KCNIP4: variants seen among roughly 807,000 people sequenced by gnomAD.
KCNIP4 encodes the protein Kv channel-interacting protein 4.
In KCNIP4, 12 loss-of-function variants were observed where a neutral mutation model predicts 34.0. The observed-to-expected ratio is 0.35, with a 90% CI of 0.23 to 0.57. The LOEUF (loss-of-function observed/expected upper bound fraction) is 0.57, where lower values mean the gene tolerates loss of function less well. Ranked by LOEUF, KCNIP4 falls within the 20% of genes least tolerant of loss-of-function variation. The probability of loss-of-function intolerance (pLI) is 0.83; values close to 1 mark genes in which losing one functional copy is unlikely to be tolerated. For synonymous variants in KCNIP4, 124 were observed against 102.2 expected (o/e 1.21, Z -1.29); for missense variants, 238 against 311.7 (o/e 0.76, Z 1.78).
chr4:21,818,391 TTA>T (rs1472792916), intron 1 of KCNIP4, among the ~76,000 whole-genome samples: 1 of 152,218 alleles, frequency 6.6e-6, no homozygotes, highest in African/African-American at 2.4e-5. Context: ...CTTGTCATAT[TTA>T]TATGTTTGTA....
At chr4:21,507,405 C>T (rs1733940169) in intron 1 of KCNIP4, among the ~76,000 whole-genome samples, 1 of 151,934 alleles carries the variant, frequency 6.6e-6, no homozygotes, top group Non-Finnish European at 1.5e-5. Flanking sequence ...GCTGGGACTA[C>T]AGGGACATGC....
chr4:21,284,832 A>C (rs924616554), intron 1 of KCNIP4, among the ~76,000 whole-genome samples: 3 of 152,014 alleles, frequency 2.0e-5, no homozygotes, highest in Non-Finnish European at 2.9e-5. Context: ...CGACGTGAGC[A>C]CTTGGGGGTG....
intron 3 of KCNIP4, among the ~76,000 whole-genome samples, chr4:20,824,211 T>G (rs1321909310): frequency 6.6e-6 from 1 of 152,222 alleles, no homozygotes; most frequent in Non-Finnish European, 1.5e-5. Context: ...TGTGTCTGTG[T>G]GTGTGTATGT....
chr4:21,820,476 A>C (rs997511186), intron 1 of KCNIP4, among the ~76,000 whole-genome samples: 9 of 151,890 alleles, frequency 5.9e-5, no homozygotes, highest in Admixed American at 2.0e-4. Flanking sequence ...AAATTTGGAG[A>C]AGCACTTAAG....
chr4:21,864,031 G>A (rs1285635501), intron 1 of KCNIP4, among the ~76,000 whole-genome samples: 3 of 152,200 alleles, frequency 2.0e-5, no homozygotes, highest in Non-Finnish European at 4.4e-5. Context: ...CGGTAGAAAT[G>A]TAATAATTCT....
intron 1 of KCNIP4, among the ~76,000 whole-genome samples, chr4:21,345,663 C>T (rs918960317): frequency 6.6e-6 from 1 of 152,094 alleles, no homozygotes; most frequent in African/African-American, 2.4e-5. Flanking sequence ...AGGGTATGCT[C>T]CCTGTCAAAA....
intron 3 of KCNIP4, among the ~76,000 whole-genome samples, chr4:20,831,675 A>C (rs969048444): frequency 6.6e-6 from 1 of 152,250 alleles, no homozygotes; most frequent in African/African-American, 2.4e-5. Flanking sequence ...AACATTTATT[A>C]ATGATAATAC....
intron 3 of KCNIP4, among the ~76,000 whole-genome samples, chr4:20,850,001 T>G (rs531473209): frequency 2.8e-4 from 43 of 152,316 alleles, no homozygotes; most frequent in Admixed American, 1.2e-3. Context: ...TCTCATTCCC[T>G]TTTGAAGATG....
chr4:20,861,444 A>T (rs536331599), intron 2 of KCNIP4, among the ~76,000 whole-genome samples: 4 of 152,242 alleles, frequency 2.6e-5, no homozygotes, highest in South Asian at 2.1e-4. Flanking sequence ...ACACTGTGGG[A>T]GTCCTAGGCC....
chr4:21,087,199 CAG>C (rs1746542662), intron 1 of KCNIP4, among the ~76,000 whole-genome samples: 1 of 93,192 alleles, frequency 1.1e-5, no homozygotes, highest in South Asian at 3.5e-4. Flanking sequence ...TGTTTTGAGA[CAG>C]AGTCTTGCTC....
At chr4:20,850,277 G>C (rs566819151) in intron 3 of KCNIP4, 11 of 263,220 alleles carry the variant, frequency 4.2e-5, no homozygotes, top group African/African-American at 1.7e-4. Context: ...AGTTGATGAA[G>C]AGAAAATATT....
intron 1 of KCNIP4, among the ~76,000 whole-genome samples, chr4:21,083,021 C>T (rs992473221): frequency 5.0e-4 from 76 of 151,810 alleles, no homozygotes; most frequent in African/African-American, 1.6e-3. Flanking sequence ...GTAATATAGT[C>T]AGTAAGTTGT....
intron 1 of KCNIP4, among the ~76,000 whole-genome samples, chr4:21,138,410 A>T (rs1221497244): frequency 6.6e-6 from 1 of 152,148 alleles, no homozygotes; most frequent in African/African-American, 2.4e-5. Flanking sequence ...CTTTCTGTCT[A>T]CAGAGCATGC....
At chr4:21,464,335 T>C (rs1729730684) in intron 1 of KCNIP4, among the ~76,000 whole-genome samples, 3 of 152,028 alleles carry the variant, frequency 2.0e-5, no homozygotes. Context: ...ACATTTGTAG[T>C]TATAAATTTC....
At chr4:21,443,983 A>C (rs1727728030) in intron 1 of KCNIP4, among the ~76,000 whole-genome samples, 1 of 152,204 alleles carries the variant, frequency 6.6e-6, no homozygotes, top group South Asian at 2.1e-4. Context: ...ACCATCAGAG[A>C]ATACTATAAA....
intron 1 of KCNIP4, among the ~76,000 whole-genome samples, chr4:21,215,104 T>C (rs538951992): frequency 7.4e-4 from 113 of 152,288 alleles, no homozygotes; most frequent in African/African-American, 2.7e-3. Context: ...ATTCACAAAT[T>C]AATTGGAGTG....
intron 1 of KCNIP4, among the ~76,000 whole-genome samples, chr4:21,033,949 G>T (rs1277770264): frequency 6.6e-6 from 1 of 152,078 alleles, no homozygotes. Flanking sequence ...AAAAGCTAAT[G>T]AATTTATGTT....
intron 1 of KCNIP4, among the ~76,000 whole-genome samples, chr4:21,551,807 A>G (rs1738607713): frequency 6.6e-6 from 1 of 152,070 alleles, no homozygotes; most frequent in Non-Finnish European, 1.5e-5. Flanking sequence ...ATGCCAATGC[A>G]TATTAGAATA....
chr4:21,742,597 G>A (rs1024221768), intron 1 of KCNIP4, among the ~76,000 whole-genome samples: 3 of 152,186 alleles, frequency 2.0e-5, no homozygotes, highest in African/African-American at 4.8e-5. Flanking sequence ...ACTAAAACAT[G>A]TGAGATTTAG....
Sources: gnomAD v4.1 joint callset for allele counts (sites outside exome capture counted in the v4.1 genomes callset) on GRCh38, gnomAD v4.1.1 for gene constraint, MANE v1.5 for transcripts, NCBI Gene and HGNC (gene_info 2026-07-23, HGNC 2026-07-21) for gene names.